KCNC4: variants seen among roughly 807,000 people sequenced by gnomAD.
KCNC4 encodes the protein voltage-gated potassium channel KCNC4.
A neutral mutation model predicts 42.8 loss-of-function variants in KCNC4; 23 were observed. That is an observed-to-expected ratio of 0.54 (90% CI 0.39 to 0.76). The LOEUF is 0.76. KCNC4 is among the 30% of genes least tolerant of loss of function. KCNC4 has a pLI of 0.00. For synonymous variants in KCNC4, 422 were observed against 393.5 expected (o/e 1.07, Z -0.86); for missense variants, 751 against 898.2 (o/e 0.84, Z 2.10).
At chr1:110,218,944 T>C (rs1657953731) in intron 1 of KCNC4, among the ~76,000 whole-genome samples, 1 of 152,172 alleles carries the variant, frequency 6.6e-6, no homozygotes, top group Non-Finnish European at 1.5e-5. Flanking sequence ...TCCAGGGTGC[T>C]GAGACCCTCC....
chr1:110,282,076 C>T (rs1037467235), intron 1 of KCNC4, among the ~76,000 whole-genome samples: 1 of 152,244 alleles, frequency 6.6e-6, no homozygotes, highest in African/African-American at 2.4e-5. Flanking sequence ...GAGGAGGACA[C>T]ATCTGCCAGG....
rs61372696 is a variant in KCNC4, at chr1:110,275,954, CA to C, written n.31-6562del. ...GCCTGGGTGAAAAGAGACTCCGCCTCAAAAAAAAAAAAAAAAAAGAAGAATG... is the reference window on the plus strand; with the variant it reads ...GCCTGGGTGAAAAGAGACTCCGCCTCAAAAAAAAAAAAAAAAAGAAGAATG... On this transcript the variant is annotated intron_variant and non_coding_transcript_variant, in intron 1 of 2. Coordinates refer to the KCNC4 transcript ENST00000412512. 1.7e-3 allele frequency among the ~76,000 whole-genome samples: 183 copies of C among 106,244 alleles called. 1 individual carries two copies. The highest frequency in any genetic ancestry group is 5.1e-3 in the African/African-American group (138 of 27,148). The allele number at this position is 106,244 out of a possible 152,430, so 69.7% of individuals were successfully genotyped here.
intron 1 of KCNC4, among the ~76,000 whole-genome samples, chr1:110,255,174 G>A (rs1557871648): frequency 2.0e-5 from 3 of 152,218 alleles, no homozygotes; most frequent in Non-Finnish European, 4.4e-5. Context: ...AGCAGAGTAG[G>A]TGCTTAATAG....
At chr1:110,277,798 G>T (rs551557192) in intron 1 of KCNC4, among the ~76,000 whole-genome samples, 1 of 152,328 alleles carries the variant, frequency 6.6e-6, no homozygotes, top group South Asian at 2.1e-4. Flanking sequence ...ACTAGGTGCA[G>T]ATTTATAAGA....
rs931121987 is a variant in KCNC4, at chr1:110,248,601, T to C, written c.*16292T>C. The C allele has an allele frequency of 2.6e-5, 4 of 152,238 alleles. No individual in the cohort carries two copies. In the South Asian group the frequency reaches 8.3e-4, roughly 31 times the overall value. 9.4% of individuals were successfully genotyped at this position (152,238 alleles called of 1,614,324 possible). On this transcript the variant is annotated 3_prime_UTR_variant, in exon 4 of 4. Coordinates refer to the KCNC4 transcript ENST00000369787. ...TTTTAAATCCCAGTTCCTCAAATGC[T>C]CTTTGAATCAACTTTATTATCGTAT...
chr1:110,275,110 C>G (rs533790622), intron 1 of KCNC4, among the ~76,000 whole-genome samples: 1 of 152,174 alleles, frequency 6.6e-6, no homozygotes, highest in African/African-American at 2.4e-5. Context: ...AACTATGCAT[C>G]TAGTAGGATA....
intron 2 of KCNC4, chr1:110,225,500 C>G (rs556849225): frequency 6.5e-6 from 1 of 154,632 alleles, no homozygotes; most frequent in Non-Finnish European, 1.4e-5. Context: ...ACAAGAATTA[C>G]TGTCACCCAG....
exon 4 of KCNC4, chr1:110,240,523 C>T (rs1402257457): frequency 6.6e-6 from 1 of 152,406 alleles, no homozygotes; most frequent in African/African-American, 2.4e-5. Flanking sequence ...CAAACACCAC[C>T]TTTCCTCCTT....
chr1:110,251,204 A>G (rs868856973), downstream of KCNC4, among the ~76,000 whole-genome samples: 1 of 152,190 alleles, frequency 6.6e-6, no homozygotes, highest in African/African-American at 2.4e-5. Context: ...GAGGACTTCA[A>G]GCTCCACAGG....
rs180986975 is a variant in KCNC4, at chr1:110,274,579, A to G, written n.31-7955A>G. Among the ~76,000 whole-genome samples, 320 of 152,348 alleles carry G rather than the reference A, an allele frequency of 2.1e-3. 3 individuals are homozygous for G. Among genetic ancestry groups the G allele is most frequent in the African/African-American group, 7.3e-3 (303 of 41,582 alleles). On this transcript the variant is annotated intron_variant and non_coding_transcript_variant, in intron 1 of 2. Coordinates refer to the KCNC4 transcript ENST00000412512. Reference sequence around the variant, plus strand: ...AAGCAATCCTAAGCAAAAATAGCAAAGCTGGAGCCATTACATTATCTGACC... The same window carrying G: ...AAGCAATCCTAAGCAAAAATAGCAAGGCTGGAGCCATTACATTATCTGACC...
chr1:110,211,707 G>A lies in KCNC4; in HGVS notation c.208G>A (p.Gly70Ser). ...TRLAWLADPD[G>S]GGRPETDGGG... is the part of the protein sequence containing the mutation. ...CCTCGCCTGGCTGGCCGACCCCGAC[G>A]GCGGGGGCCGGCCCGAGACCGATGG... Residue 70 changes from glycine to serine, a missense_variant, in exon 1 of 4, where the codon GGC (glycine) becomes AGC (serine). This residue lies in a region of KCNC4 where 183 missense variants were observed against 255.8 expected (regional missense o/e 0.72). Transcript: ENST00000438661. This position sits in a 1 kb window ranked among gnomAD's most constrained non-coding sequence, Gnocchi z 6.5. 1 of 1,608,194 alleles carries A rather than the reference G, an allele frequency of 6.2e-7. No homozygotes were observed. Among genetic ancestry groups the A allele is most frequent in the Non-Finnish European group, 8.5e-7 (1 of 1,177,360 alleles).
chr1:110,250,592 G>C (rs975145678), downstream of KCNC4, among the ~76,000 whole-genome samples: 11 of 152,212 alleles, frequency 7.2e-5, 1 homozygote, highest in Admixed American at 6.5e-4. Context: ...AGTGTGGATA[G>C]AGATTCCTGC....
chr1:110,226,265 C>A (rs778670093), intron 3 of KCNC4, 87 bp downstream of exon 3: 3 of 1,145,702 alleles, frequency 2.6e-6, no homozygotes, highest in Non-Finnish European at 3.9e-6. Context: ...GTCCCCCCCT[C>A]CCCTGAGACC....
intron 1 of KCNC4, among the ~76,000 whole-genome samples, chr1:110,265,353 TA>T (rs1265008516): frequency 8.2e-6 from 1 of 121,536 alleles, no homozygotes; most frequent in Non-Finnish European, 1.7e-5. Context: ...AAATAAAACA[TA>T]AATAAAATAA....
At chr1:110,247,787 G>A (rs1030098370) in exon 4 of KCNC4, 1 of 152,136 alleles carries the variant, frequency 6.6e-6, no homozygotes, top group Non-Finnish European at 1.5e-5. Context: ...CTCTGACCTT[G>A]TGATCCACCC....
chr1:110,257,927 G>A (rs2101072819), intron 1 of KCNC4, among the ~76,000 whole-genome samples: 1 of 152,282 alleles, frequency 6.6e-6, no homozygotes, highest in Middle Eastern at 3.4e-3. Flanking sequence ...AGAACAGAAA[G>A]GAACAAAAGG....
chr1:110,215,431 CCTT>C (rs992197114), intron 1 of KCNC4, among the ~76,000 whole-genome samples: 3 of 152,214 alleles, frequency 2.0e-5, no homozygotes, highest in Non-Finnish European at 4.4e-5. Context: ...GAAACCTGCA[CCTT>C]CTTTTCTGAG....
At chr1:110,278,063 C>T (rs954708370) in intron 1 of KCNC4, among the ~76,000 whole-genome samples, 6 of 152,008 alleles carry the variant, frequency 3.9e-5, no homozygotes, top group South Asian at 2.1e-4. Context: ...AGAAGGATCA[C>T]CTGAGCCCAG....
At chr1:110,270,864 C>T (rs991843998) in intron 1 of KCNC4, among the ~76,000 whole-genome samples, 10 of 152,160 alleles carry the variant, frequency 6.6e-5, no homozygotes, top group Admixed American at 1.3e-4. Context: ...ACTGGCTCTG[C>T]GGTGGCCTCA....
Sources: gnomAD v4.1 joint callset for allele counts (sites outside exome capture counted in the v4.1 genomes callset) on GRCh38, gnomAD v4.1.1 for gene constraint, gnomAD v4.1.1 regional missense constraint, Gnocchi (gnomAD v3.1) non-coding constraint, MANE v1.5 for transcripts, NCBI Gene and HGNC (gene_info 2026-07-23, HGNC 2026-07-21) for gene names.